The following AMPH variants were observed in gnomAD, a reference collection of about 807,000 sequenced individuals.
AMPH encodes the protein amphiphysin, also known as amphiphysin (Stiff-Mann syndrome with breast cancer 128kD autoantigen).
Under a neutral mutation model 99.1 loss-of-function variants are expected in AMPH, and 49 were observed. The observed-to-expected ratio is 0.49, with a 90% CI of 0.39 to 0.63. The LOEUF is 0.63. Ranked by LOEUF, AMPH falls within the 20% of genes least tolerant of loss-of-function variation. The pLI is 0.00. For missense variants in AMPH, 759 were observed against 863.4 expected, an observed-to-expected ratio of 0.88 and a Z score of 1.52; for synonymous variants, 314 against 317.3, an observed-to-expected ratio of 0.99 and a Z score of 0.11.
chr7:38,446,100 A>G (rs1417358240), intron 11 of AMPH, among the ~76,000 whole-genome samples: 1 of 152,186 alleles, frequency 6.6e-6, no homozygotes, highest in Middle Eastern at 3.2e-3. Context: ...TTCTCTTTAT[A>G]AATTACCCAG....
chr7:38,418,616 C>G (rs1244992221), intron 16 of AMPH, among the ~76,000 whole-genome samples: 1 of 152,230 alleles, frequency 6.6e-6, no homozygotes, highest in African/African-American at 2.4e-5. Context: ...ATCATAGATA[C>G]TTTACTGCCT....
Position 38,530,678 on chromosome 7 carries a change from A to C in AMPH, c.150+4253T>G, listed in dbSNP as rs148695927. Among the ~76,000 whole-genome samples, 162 of 152,314 alleles carry C rather than the reference A, an allele frequency of 1.1e-3. 1 individual carries two copies. Among genetic ancestry groups the C allele is most frequent in the Non-Finnish European group, 1.0e-4 (7 of 68,028 alleles). ...TTTATTAGCAGGAAGGAGGGAGAGA[A>C]ACCAAGGACCTTCTTTCCACAGTGG... is the stretch of plus-strand genomic sequence containing the variant. On this transcript the variant is annotated intron_variant, in intron 2 of 20. Transcript: ENST00000356264.
At chr7:38,574,402 C>A (rs1253124782) in intron 1 of AMPH, among the ~76,000 whole-genome samples, 1 of 152,154 alleles carries the variant, frequency 6.6e-6, no homozygotes, top group Non-Finnish European at 1.5e-5. Flanking sequence ...ACAGCAGGAT[C>A]CTCAAGATGC....
At chr7:38,622,873 A>C (rs992268695) in intron 1 of AMPH, among the ~76,000 whole-genome samples, 4 of 152,168 alleles carry the variant, frequency 2.6e-5, no homozygotes, top group African/African-American at 9.7e-5. Flanking sequence ...GCTGAGTCTA[A>C]CCCAGGAGAG....
At chr7:38,454,474 G>T (rs1412499324) in intron 11 of AMPH, among the ~76,000 whole-genome samples, 1 of 151,868 alleles carries the variant, frequency 6.6e-6, no homozygotes, top group Non-Finnish European at 1.5e-5. Flanking sequence ...GTAGAAAAAA[G>T]AGATAGTTTC....
At chr7:38,600,028 C>T (rs1480725814) in intron 1 of AMPH, among the ~76,000 whole-genome samples, 1 of 151,930 alleles carries the variant, frequency 6.6e-6, no homozygotes, top group African/African-American at 2.4e-5. Context: ...TCTTTAAGGA[C>T]CACTCCCAAA....
intron 1 of AMPH, among the ~76,000 whole-genome samples, chr7:38,630,165 T>C (rs1230484224): frequency 6.6e-6 from 1 of 152,128 alleles, no homozygotes; most frequent in African/African-American, 2.4e-5. Context: ...ACACCCCATA[T>C]CCTAGGGACG....
rs185005776 is a variant in AMPH, at chr7:38,542,461, A to G, written c.70-7450T>C. Among the ~76,000 whole-genome samples, 803 of 152,290 alleles carry G rather than the reference A, an allele frequency of 5.3e-3. 1 individual carries two copies. Among genetic ancestry groups the G allele is most frequent in the Admixed American group, 0.011 (167 of 15,304 alleles). The stretch of plus-strand genomic sequence containing the variant: ...TAGGCAAAGGGATCCTCCATATACT[A>G]CCAGCCAGATGTTTGAGAGCAAGCT... On this transcript the variant is annotated intron_variant, in intron 1 of 20. Transcript: ENST00000356264.
intron 9 of AMPH, among the ~76,000 whole-genome samples, chr7:38,464,916 G>T (rs1380944858): frequency 6.6e-6 from 1 of 152,140 alleles, no homozygotes; most frequent in Non-Finnish European, 1.5e-5. Context: ...GATCATTGGG[G>T]CTCCGGGGTA....
chr7:38,416,039 T>C (rs1042779362), intron 17 of AMPH, among the ~76,000 whole-genome samples: 1 of 149,868 alleles, frequency 6.7e-6, no homozygotes, highest in East Asian at 1.9e-4. Flanking sequence ...GGTTGGTGCC[T>C]GTGCCACAGG....
intron 1 of AMPH, among the ~76,000 whole-genome samples, chr7:38,544,551 C>A (rs993741296): frequency 6.6e-6 from 1 of 152,192 alleles, no homozygotes; most frequent in African/African-American, 2.4e-5. Context: ...GAGGAAGGGT[C>A]TCCTGGTTTC....
In AMPH at chr7:38,391,955, G is replaced by A. The variant is rs764354748; in HGVS notation, c.1671C>T (p.Asn557=). ...TGGGCTCTGCACCTATAGTTATTTC[G>A]TTTTCTCCTTCCTCTTCATGGTTGG... ...PASNHEEEGE[N]EITIGAEPKE... The change falls in exon 19 of 21, where the codon AAC becomes AAT. Residue 557 remains asparagine, a synonymous_variant. Transcript: ENST00000356264. 5.0e-6 allele frequency: 8 copies of A among 1,611,616 alleles called. No homozygotes were observed. Among genetic ancestry groups the A allele is most frequent in the Non-Finnish European group, 4.2e-6 (5 of 1,180,004 alleles).
At chr7:38,433,649 C>G (rs868499983) in intron 12 of AMPH, among the ~76,000 whole-genome samples, 1 of 83,392 alleles carries the variant, frequency 1.2e-5, no homozygotes. Flanking sequence ...GGCATGAACC[C>G]GGGAGGCGGA....
At chr7:38,504,320 T>C (rs1478553601) in intron 2 of AMPH, among the ~76,000 whole-genome samples, 2 of 152,218 alleles carry the variant, frequency 1.3e-5, no homozygotes, top group Non-Finnish European at 2.9e-5. Context: ...TTGGACTGCA[T>C]TGAAATAGAG....
At chr7:38,385,943 G>T (rs1441365247) in intron 20 of AMPH, among the ~76,000 whole-genome samples, 1 of 152,058 alleles carries the variant, frequency 6.6e-6, no homozygotes, top group Non-Finnish European at 1.5e-5. Flanking sequence ...TTCAGATGAG[G>T]GATGGCCAGG....
At chr7:38,573,364 A>T (rs1792119212) in intron 1 of AMPH, among the ~76,000 whole-genome samples, 2 of 118,048 alleles carry the variant, frequency 1.7e-5, no homozygotes, top group Non-Finnish European at 3.7e-5. Context: ...GCAGGAAAGA[A>T]ATACATACAT....
At chr7:38,608,065 C>T (rs2129064096) in intron 1 of AMPH, among the ~76,000 whole-genome samples, 1 of 152,240 alleles carries the variant, frequency 6.6e-6, no homozygotes, top group Middle Eastern at 3.4e-3. Flanking sequence ...TCTCAAACCC[C>T]TAACTCAAGT....
At chr7:38,510,586 G>A (rs560738577) in intron 2 of AMPH, among the ~76,000 whole-genome samples, 75 of 152,290 alleles carry the variant, frequency 4.9e-4, no homozygotes, top group African/African-American at 1.8e-3. Context: ...ACATTATTAT[G>A]AGAAAACAGA....
intron 1 of AMPH, among the ~76,000 whole-genome samples, chr7:38,581,439 G>C (rs1312222839): frequency 6.6e-6 from 1 of 152,180 alleles, no homozygotes; most frequent in Non-Finnish European, 1.5e-5. Flanking sequence ...ATGTCAGTGT[G>C]GGTAGAGGGG....
Sources: gnomAD v4.1 joint callset for allele counts (sites outside exome capture counted in the v4.1 genomes callset) on GRCh38, gnomAD v4.1.1 for gene constraint, MANE v1.5 for transcripts, NCBI Gene and HGNC (gene_info 2026-07-23, HGNC 2026-07-21) for gene names.